The following TAFA1 variants were observed in gnomAD, a reference collection of about 807,000 sequenced individuals.
The protein encoded by TAFA1 is TAFA chemokine like family member 1.
Under a neutral mutation model 18.5 loss-of-function variants are expected in TAFA1, and 4 were observed. That is an observed-to-expected ratio of 0.22 (90% confidence interval 0.11 to 0.49). TAFA1 has a LOEUF of 0.49. Ranked by LOEUF, TAFA1 falls within the 20% of genes least tolerant of loss-of-function variation. The probability of loss-of-function intolerance (pLI) is 0.98; values close to 1 mark genes in which losing one functional copy is unlikely to be tolerated. For missense variants in TAFA1, 147 were observed against 169.0 expected (o/e 0.87, Z 0.72); for synonymous variants, 56 against 55.2 (o/e 1.01, Z -0.06).
chr3:68,032,118 T>G (rs1704947699), intron 2 of TAFA1, among the ~76,000 whole-genome samples: 3 of 152,116 alleles, frequency 2.0e-5, no homozygotes, highest in Admixed American at 6.6e-5. Flanking sequence ...CCATTTTGGT[T>G]TTTGGCTGCC....
intron 2 of TAFA1, among the ~76,000 whole-genome samples, chr3:68,085,740 C>T (rs193053797): frequency 6.6e-6 from 1 of 152,292 alleles, no homozygotes; most frequent in Non-Finnish European, 1.5e-5. Flanking sequence ...CTGGAACTAC[C>T]TAGCCACTCA....
intron 2 of TAFA1, among the ~76,000 whole-genome samples, chr3:68,363,344 C>G (rs80217362): frequency 6.6e-6 from 1 of 152,070 alleles, no homozygotes; most frequent in African/African-American, 2.4e-5. Context: ...TGGGTTGCAC[C>G]TTTCTGTCCT....
intron 2 of TAFA1, among the ~76,000 whole-genome samples, chr3:68,410,993 A>G (rs992529668): frequency 1.3e-5 from 2 of 152,230 alleles, no homozygotes; most frequent in Admixed American, 1.3e-4. Flanking sequence ...CCTAATTTCC[A>G]GAAAGGTTGT....
chr3:68,016,277 A>G (rs1425270602), intron 2 of TAFA1, among the ~76,000 whole-genome samples: 1 of 152,240 alleles, frequency 6.6e-6, no homozygotes, highest in Non-Finnish European at 1.5e-5. Flanking sequence ...CATGTGCTGC[A>G]TAACGATGAA....
intron 2 of TAFA1, among the ~76,000 whole-genome samples, chr3:68,217,320 C>T (rs2107082487): frequency 6.6e-6 from 1 of 151,970 alleles, no homozygotes; most frequent in African/African-American, 2.4e-5. Context: ...CCCATAATCC[C>T]AGTCTAATTA....
intron 2 of TAFA1, among the ~76,000 whole-genome samples, chr3:68,203,280 TC>T (rs1304915650): frequency 6.6e-6 from 1 of 151,726 alleles, no homozygotes; most frequent in Non-Finnish European, 1.5e-5. Context: ...GGCATTTTTT[TC>T]TTTTCTTTTT....
intron 2 of TAFA1, among the ~76,000 whole-genome samples, chr3:68,282,123 C>G (rs2067909177): frequency 6.6e-6 from 1 of 152,110 alleles, no homozygotes; most frequent in South Asian, 2.1e-4. Context: ...TGAGAATTCA[C>G]TCACTATTAC....
intron 2 of TAFA1, among the ~76,000 whole-genome samples, chr3:68,301,109 T>A (rs760215800): frequency 6.6e-6 from 1 of 152,150 alleles, no homozygotes; most frequent in Admixed American, 6.5e-5. Flanking sequence ...AAAACAATAT[T>A]TAAAAAATAT....
At chr3:68,506,095 T>A (rs1216965874) in intron 3 of TAFA1, among the ~76,000 whole-genome samples, 1 of 152,018 alleles carries the variant, frequency 6.6e-6, no homozygotes, top group East Asian at 1.9e-4. Flanking sequence ...TGTGTCCATG[T>A]GTTCTCATTT....
At chr3:68,158,779 T>C (rs2065893276) in intron 2 of TAFA1, among the ~76,000 whole-genome samples, 1 of 152,204 alleles carries the variant, frequency 6.6e-6, no homozygotes, top group Non-Finnish European at 1.5e-5. Flanking sequence ...CTTGATTTCA[T>C]GTAATTTAAT....
intron 2 of TAFA1, among the ~76,000 whole-genome samples, chr3:68,144,221 T>C (rs1406479700): frequency 6.6e-6 from 1 of 152,208 alleles, no homozygotes; most frequent in Non-Finnish European, 1.5e-5. Flanking sequence ...TTTATCCATT[T>C]ATTTCTATGA....
chr3:68,162,198 C>T (rs1212622937), intron 2 of TAFA1, among the ~76,000 whole-genome samples: 2 of 152,136 alleles, frequency 1.3e-5, no homozygotes, highest in Non-Finnish European at 2.9e-5. Flanking sequence ...CTCTTCTTTG[C>T]ATGTATTTCT....
intron 3 of TAFA1, among the ~76,000 whole-genome samples, chr3:68,483,754 G>A (rs574661453): frequency 3.9e-5 from 6 of 152,290 alleles, no homozygotes; most frequent in South Asian, 4.1e-4. Flanking sequence ...AGAGCAGAGG[G>A]AACAGCAAGA....
chr3:68,501,971 T>C (rs1416390412), intron 3 of TAFA1, among the ~76,000 whole-genome samples: 1 of 152,124 alleles, frequency 6.6e-6, no homozygotes, highest in Non-Finnish European at 1.5e-5. Context: ...AAAATCAAAG[T>C]AAGCTAGAAG....
At chr3:68,470,452 A>G (rs994319347) in intron 3 of TAFA1, among the ~76,000 whole-genome samples, 1 of 152,180 alleles carries the variant, frequency 6.6e-6, no homozygotes. Flanking sequence ...AAGACAGAAA[A>G]ATGTGGGGAA....
intron 2 of TAFA1, among the ~76,000 whole-genome samples, chr3:68,265,034 T>C (rs756621214): frequency 2.9e-4 from 44 of 152,338 alleles, no homozygotes; most frequent in Middle Eastern, 3.4e-3. Flanking sequence ...GCTTTTAATA[T>C]ATGAAATTTA....
At chr3:68,152,536 G>T (rs2065818690) in intron 2 of TAFA1, among the ~76,000 whole-genome samples, 1 of 152,058 alleles carries the variant, frequency 6.6e-6, no homozygotes, top group African/African-American at 2.4e-5. Context: ...GTTAAATTCA[G>T]TCCCATGATA....
At chr3:68,536,485 C>G (rs886791443) in intron 3 of TAFA1, among the ~76,000 whole-genome samples, 1 of 152,072 alleles carries the variant, frequency 6.6e-6, no homozygotes, top group African/African-American at 2.4e-5. Flanking sequence ...GTTCTCGTCC[C>G]GTGTAAAAAC....
At chr3:68,072,933 T>G (rs1022592794) in intron 2 of TAFA1, among the ~76,000 whole-genome samples, 1 of 152,204 alleles carries the variant, frequency 6.6e-6, no homozygotes, top group African/African-American at 2.4e-5. Flanking sequence ...GTTCTTGTAG[T>G]CTTCAGCATT....
Sources: allele counts gnomAD v4.1 joint callset (sites outside exome capture counted in the v4.1 genomes callset), GRCh38; gene constraint gnomAD v4.1.1; transcripts MANE v1.5; gene names NCBI Gene and HGNC (gene_info 2026-07-23, HGNC 2026-07-21).